TRAM2: variants seen among roughly 807,000 people sequenced by gnomAD.
TRAM2 encodes the protein translocation associated membrane protein 2.
In TRAM2, 12 loss-of-function variants were observed where a neutral mutation model predicts 51.0. The observed-to-expected ratio is 0.24, with a 90% CI of 0.15 to 0.38. The LOEUF is 0.38. Among genes scored for constraint, TRAM2 ranks in the 10% least tolerant of loss-of-function variants. The pLI is 1.00. For synonymous variants in TRAM2, 175 were observed against 179.4 expected, an observed-to-expected ratio of 0.98 and a Z score of 0.20; for missense variants, 361 against 462.0, an observed-to-expected ratio of 0.78 and a Z score of 2.00.
At chr6:52,535,659 T>G in intron 2 of TRAM2, 124 bp downstream of exon 2, 1 of 758,398 alleles carries the variant, frequency 1.3e-6, no homozygotes, top group Non-Finnish European at 2.1e-6. Context: ...CCAGTCTGGG[T>G]GACAGAGCAG....
intron 1 of TRAM2, among the ~76,000 whole-genome samples, chr6:52,554,381 G>A (rs1277193848): frequency 3.3e-5 from 5 of 151,906 alleles, no homozygotes; most frequent in East Asian, 1.9e-4. Flanking sequence ...AAAATTAGGC[G>A]TGGTGGTGCG....
intron 1 of TRAM2, among the ~76,000 whole-genome samples, chr6:52,560,903 C>T (rs1767487431): frequency 6.6e-6 from 1 of 152,094 alleles, no homozygotes; most frequent in African/African-American, 2.4e-5. Context: ...AGGTATATAT[C>T]CAAGACAACT....
At position 52,500,013 on chromosome 6, in the gene TRAM2, G is replaced by A. The variant is rs1005594317; in HGVS notation, c.*3184C>T. 6.6e-6 allele frequency: 1 copy of A among 152,238 alleles called. No homozygotes were observed. Among genetic ancestry groups the A allele is most frequent in the African/African-American group, 2.4e-5 (1 of 41,444 alleles). The allele number at this position is 152,238 out of a possible 1,614,324, so 9.4% of individuals were successfully genotyped here. ...CCCATCATCACTGCACCTCCAAGGA[G>A]GGGAGCGGGTAGCACAGATCCTTGG... On this transcript the variant is annotated 3_prime_UTR_variant, in exon 11 of 11. Coordinates refer to ENST00000182527, the MANE Select transcript of TRAM2 (RefSeq NM_012288.4).
intron 2 of TRAM2, among the ~76,000 whole-genome samples, chr6:52,519,291 A>T (rs564445798): frequency 6.6e-6 from 1 of 152,204 alleles, no homozygotes; most frequent in Non-Finnish European, 1.5e-5. Context: ...AAAACCAAAC[A>T]ACCTGATTCT....
intron 8 of TRAM2, 107 bp downstream of exon 8, chr6:52,505,925 G>C: frequency 7.1e-7 from 1 of 1,411,774 alleles, no homozygotes; most frequent in Non-Finnish European, 9.8e-7. Flanking sequence ...ACCACCTGCA[G>C]GTAAGCGGGC....
intron 2 of TRAM2, chr6:52,517,431 G>A (rs1159899233): frequency 1.3e-5 from 2 of 152,232 alleles, no homozygotes; most frequent in Non-Finnish European, 2.9e-5. Flanking sequence ...AGGATCAAAT[G>A]AGATAATTTG....
intron 1 of TRAM2, among the ~76,000 whole-genome samples, chr6:52,560,412 C>A (rs932356735): frequency 6.6e-6 from 1 of 152,196 alleles, no homozygotes; most frequent in Non-Finnish European, 1.5e-5. Context: ...TTAAAATAGG[C>A]TCATCCTATA....
At chr6:52,525,650 A>G (rs2268735) in intron 2 of TRAM2, among the ~76,000 whole-genome samples, 15,102 of 152,186 alleles carry the variant, frequency 0.099, 1,396 homozygotes, top group East Asian at 0.51. Context: ...TCTACTAAAA[A>G]TACAAAAATT....
At position 52,509,601 on chromosome 6, in the gene TRAM2, AAG is replaced by A; in HGVS notation, c.412-17_412-16del. 6.2e-7 allele frequency: 1 copy of A among 1,613,776 alleles called. No homozygotes were observed. Among genetic ancestry groups the A allele is most frequent in the Middle Eastern group, 1.7e-4 (1 of 6,054 alleles). On this transcript the variant is annotated splice_polypyrimidine_tract_variant and intron_variant, in intron 4 of 10. Coordinates refer to ENST00000182527, the MANE Select transcript of TRAM2 (RefSeq NM_012288.4). Reference sequence around the variant, plus strand: ...AAGTATCCTTCCTGCAGTGGGCAAGAAGAGAGACCATTTAGAGATGTGGACGT... The same window carrying A: ...AAGTATCCTTCCTGCAGTGGGCAAGAAGAGACCATTTAGAGATGTGGACGT...
At chr6:52,559,324 G>C (rs539930424) in intron 1 of TRAM2, among the ~76,000 whole-genome samples, 6 of 152,288 alleles carry the variant, frequency 3.9e-5, no homozygotes, top group Non-Finnish European at 7.3e-5. Context: ...TTTACTAGCT[G>C]TATCATCTAG....
intron 1 of TRAM2, among the ~76,000 whole-genome samples, chr6:52,549,614 G>C (rs1322431087): frequency 6.6e-6 from 1 of 152,190 alleles, no homozygotes; most frequent in Non-Finnish European, 1.5e-5. Flanking sequence ...GATACTCAAA[G>C]ACTAGTAGTA....
intron 2 of TRAM2, among the ~76,000 whole-genome samples, chr6:52,528,965 A>T (rs1457924010): frequency 6.8e-6 from 1 of 146,106 alleles, no homozygotes; most frequent in African/African-American, 2.6e-5. Flanking sequence ...GTCTCAGCTC[A>T]CTGCAACCTC....
At chr6:52,570,283 TCC>T (rs1767654840) in intron 1 of TRAM2, among the ~76,000 whole-genome samples, 1 of 152,234 alleles carries the variant, frequency 6.6e-6, no homozygotes, top group Non-Finnish European at 1.5e-5. Context: ...TTTGGGTCAC[TCC>T]CTGTAGTCTC....
intron 1 of TRAM2, among the ~76,000 whole-genome samples, chr6:52,576,037 C>T (rs933082024): frequency 2.0e-5 from 3 of 152,142 alleles, no homozygotes; most frequent in Non-Finnish European, 2.9e-5. Context: ...CCATCCTCTG[C>T]CCCCCACTCC....
At chr6:52,528,407 T>C (rs1385669306) in intron 2 of TRAM2, among the ~76,000 whole-genome samples, 2 of 152,034 alleles carry the variant, frequency 1.3e-5, no homozygotes, top group East Asian at 3.9e-4. Context: ...GAGCTCATCT[T>C]ACAAAGAGGG....
chr6:52,504,184 G>A (rs1007422721), intron 10 of TRAM2, among the ~76,000 whole-genome samples: 124 of 152,320 alleles, frequency 8.1e-4, no homozygotes, highest in Middle Eastern at 3.4e-3. Flanking sequence ...AAGCTGGGAG[G>A]CAGGGGCAGG....
chr6:52,560,196 G>A (rs1410061193), intron 1 of TRAM2, among the ~76,000 whole-genome samples: 3 of 151,590 alleles, frequency 2.0e-5, no homozygotes, highest in South Asian at 2.1e-4. Context: ...GCAGTGAGCC[G>A]AGATCATGCC....
At chr6:52,521,062 C>A (rs948752987) in intron 2 of TRAM2, among the ~76,000 whole-genome samples, 4 of 151,940 alleles carry the variant, frequency 2.6e-5, no homozygotes, top group African/African-American at 7.3e-5. Flanking sequence ...GCCACCAGTT[C>A]CGGCAAATTT....
At chr6:52,539,517 G>A (rs536562116) in intron 1 of TRAM2, among the ~76,000 whole-genome samples, 2 of 150,870 alleles carry the variant, frequency 1.3e-5, no homozygotes, top group Non-Finnish European at 3.0e-5. Flanking sequence ...TTTAACAACT[G>A]TATTCAGGTA....
Sources: gnomAD v4.1 joint callset for allele counts (sites outside exome capture counted in the v4.1 genomes callset) on GRCh38, gnomAD v4.1.1 for gene constraint, MANE v1.5 for transcripts, NCBI Gene and HGNC (gene_info 2026-07-23, HGNC 2026-07-21) for gene names.